Variants in COL25A1 observed in about 807,000 individuals in gnomAD.
The protein encoded by COL25A1 is collagen alpha-1(XXV) chain.
A neutral mutation model predicts 128.4 loss-of-function variants in COL25A1; 103 were observed. The observed-to-expected ratio is 0.80, with a 90% CI of 0.68 to 0.94. COL25A1 has a LOEUF of 0.94. COL25A1 is among the 40% of genes least tolerant of loss of function. The probability of loss-of-function intolerance (pLI) is 0.00; values close to 1 mark genes in which losing one functional copy is unlikely to be tolerated. For missense variants in COL25A1, 745 were observed against 840.0 expected (o/e 0.89, Z 1.40); for synonymous variants, 279 against 277.2 (o/e 1.01, Z -0.06).
intron 3 of COL25A1, among the ~76,000 whole-genome samples, chr4:109,295,360 C>T (rs938877609): frequency 6.6e-6 from 1 of 152,050 alleles, no homozygotes; most frequent in African/African-American, 2.4e-5. Context: ...AACAATTTAA[C>T]ATGGATGCTT....
At chr4:108,911,802 G>GTTTTTTTTTTTTTTT (rs61235488) in intron 13 of COL25A1, among the ~76,000 whole-genome samples, 2 of 124,400 alleles carry the variant, frequency 1.6e-5, no homozygotes, top group South Asian at 2.6e-4. Flanking sequence ...TTGCTTCGCT[G>GTTTTTTTTTTTTTTT]TTTTTTTTTT....
At chr4:109,084,335 T>C (rs1055230390) in intron 3 of COL25A1, among the ~76,000 whole-genome samples, 2 of 152,214 alleles carry the variant, frequency 1.3e-5, no homozygotes, top group African/African-American at 4.8e-5. Context: ...CTTGCCTTAA[T>C]TAAGGCCGCA....
chr4:109,138,218 T>C (rs1433700477), intron 3 of COL25A1, among the ~76,000 whole-genome samples: 1 of 152,178 alleles, frequency 6.6e-6, no homozygotes, highest in Non-Finnish European at 1.5e-5. Flanking sequence ...CTCCCACTTA[T>C]GAATGAGAAC....
chr4:109,094,469 C>A (rs528251194), intron 3 of COL25A1, among the ~76,000 whole-genome samples: 1 of 152,144 alleles, frequency 6.6e-6, no homozygotes, highest in Admixed American at 6.5e-5. Flanking sequence ...TTTAACTTTC[C>A]TTTCTTTAAA....
chr4:108,974,388 T>C lies in COL25A1; in HGVS notation c.471A>G (p.Glu157=). 1.2e-6 allele frequency: 2 copies of C among 1,614,020 alleles called. No homozygotes were observed. Among genetic ancestry groups the C allele is most frequent in the Non-Finnish European group, 1.7e-6 (2 of 1,179,910 alleles). The change falls in exon 8 of 38, where the codon GAA becomes GAG. Residue 157 remains glutamate, a synonymous_variant. Transcript: ENST00000399132. ...TTACCCTAGGTCCCTGATCACCTTG[T>C]TCTCCCTGTAGAATAGAAAGGTGAG... The part of the protein sequence containing the change: ...GPPGPKGDKG[E]QGDQGPRMVF...
intron 3 of COL25A1, among the ~76,000 whole-genome samples, chr4:109,212,611 G>C (rs532590199): frequency 6.6e-6 from 1 of 152,244 alleles, no homozygotes; most frequent in East Asian, 1.9e-4. Context: ...CATGTCAGAA[G>C]GGAATCAACT....
intron 3 of COL25A1, among the ~76,000 whole-genome samples, chr4:109,139,487 T>A (rs1213271270): frequency 6.6e-6 from 1 of 152,152 alleles, no homozygotes; most frequent in Non-Finnish European, 1.5e-5. Flanking sequence ...CCATCTTGAG[T>A]TAATTTTTGT....
At position 109,033,273 on chromosome 4, in the gene COL25A1, A is replaced by T. The variant is rs181044976; in HGVS notation, c.420+14895T>A. Among the ~76,000 whole-genome samples the T allele has an allele frequency of 2.6e-3, 392 of 152,350 alleles. 1 individual carries two copies. The highest frequency in any genetic ancestry group is 0.015 in the South Asian group (74 of 4,832). Reference sequence around the variant, plus strand: ...ATGAGAGTTATGTAGCACTATCCTTATTCACAGAGGCAGTCAAGGGACCTG... The same window carrying T: ...ATGAGAGTTATGTAGCACTATCCTTTTTCACAGAGGCAGTCAAGGGACCTG... On this transcript the variant is annotated intron_variant, in intron 5 of 37. Coordinates refer to ENST00000399132, the MANE Select transcript of COL25A1 (RefSeq NM_198721.4).
In COL25A1 at chr4:109,096,133, T is replaced by C. The variant is rs147654754; in HGVS notation, c.368-45954A>G. Among the ~76,000 whole-genome samples, 325 of 152,350 alleles carry C rather than the reference T, an allele frequency of 2.1e-3. 3 individuals are homozygous for C. Among genetic ancestry groups the C allele is most frequent in the African/African-American group, 7.2e-3 (300 of 41,584 alleles). ...TCACTTAACCATTTAATGCATGTTT[T>C]CTTCATGCATAGCAAAATAATGTAT... On this transcript the variant is annotated intron_variant, in intron 3 of 37. Transcript: ENST00000399132.
At chr4:109,273,215 A>G (rs1286784132) in intron 3 of COL25A1, among the ~76,000 whole-genome samples, 3 of 152,170 alleles carry the variant, frequency 2.0e-5, no homozygotes, top group Non-Finnish European at 4.4e-5. Context: ...TTCTCAATTG[A>G]TTAAAAAAGC....
intron 3 of COL25A1, among the ~76,000 whole-genome samples, chr4:109,111,121 T>C (rs60802645): frequency 0.016 from 2,475 of 152,232 alleles, 57 homozygotes; most frequent in East Asian, 0.079. Context: ...GCACATGGAG[T>C]CTTTATTCGG....
intron 34 of COL25A1, 105 bp from the exon 35 acceptor site, chr4:108,824,332 A>G: frequency 2.6e-6 from 2 of 775,314 alleles, no homozygotes; most frequent in Non-Finnish European, 4.3e-6. Context: ...TAAATATAAC[A>G]AGAAATGGCT....
At chr4:109,301,603 C>G (rs1725535746) in intron 2 of COL25A1, 120 bp downstream of exon 2, 1 of 1,108,356 alleles carries the variant, frequency 9.0e-7, no homozygotes, top group South Asian at 1.5e-5. Context: ...CACATGCACG[C>G]GCGCGCACAC....
chr4:109,230,234 T>C (rs180786404), intron 3 of COL25A1, among the ~76,000 whole-genome samples: 12 of 152,128 alleles, frequency 7.9e-5, no homozygotes, highest in African/African-American at 1.7e-4. Context: ...AGTAGGTGAA[T>C]TGCAAATACA....
At chr4:108,904,151 C>A (rs916821714) in intron 13 of COL25A1, among the ~76,000 whole-genome samples, 1 of 152,060 alleles carries the variant, frequency 6.6e-6, no homozygotes, top group African/African-American at 2.4e-5. Context: ...CATAGCCAAG[C>A]TATAGGAATC....
intron 8 of COL25A1, among the ~76,000 whole-genome samples, chr4:108,952,201 G>A (rs1273968039): frequency 3.3e-5 from 5 of 151,960 alleles, no homozygotes; most frequent in African/African-American, 1.2e-4. Context: ...TATGATTTCA[G>A]TGTTACATAT....
chr4:109,135,697 C>A (rs1769670932), intron 3 of COL25A1, among the ~76,000 whole-genome samples: 1 of 152,054 alleles, frequency 6.6e-6, no homozygotes, highest in Non-Finnish European at 1.5e-5. Context: ...TAATCTGCCA[C>A]ACACATCTAC....
chr4:109,193,012 C>T (rs1315675465), intron 3 of COL25A1, among the ~76,000 whole-genome samples: 1 of 152,086 alleles, frequency 6.6e-6, no homozygotes, highest in East Asian at 1.9e-4. Flanking sequence ...CTTCTAGCCT[C>T]CAGACTGGTG....
intron 3 of COL25A1, among the ~76,000 whole-genome samples, chr4:109,169,251 T>C (rs369777588): frequency 1.3e-5 from 2 of 152,298 alleles, no homozygotes; most frequent in South Asian, 4.1e-4. Context: ...CAATTTACTT[T>C]GCTTAAAATT....
Sources: gnomAD v4.1 joint callset for allele counts (sites outside exome capture counted in the v4.1 genomes callset) on GRCh38, gnomAD v4.1.1 for gene constraint, MANE v1.5 for transcripts, NCBI Gene and HGNC (gene_info 2026-07-23, HGNC 2026-07-21) for gene names.